The following SPMIP8 variants were observed in gnomAD, a reference collection of about 807,000 sequenced individuals.
SPMIP8 encodes testicular tissue protein Li 196.
chr16:57,985,708 T>A, the SPMIP8 span, among the ~76,000 whole-genome samples: 3 of 152,280 alleles, frequency 2.0e-5, no homozygotes, highest in East Asian at 3.9e-4. Flanking sequence ...TGAATACATG[T>A]GTAATTCCTA....
the SPMIP8 span, among the ~76,000 whole-genome samples, chr16:57,982,603 A>G: frequency 6.6e-6 from 1 of 152,266 alleles, no homozygotes; most frequent in Admixed American, 6.5e-5. Context: ...CGTGTTTGCC[A>G]TAATGCTGCA....
the SPMIP8 span, chr16:57,987,469 A>T: frequency 6.4e-7 from 1 of 1,568,490 alleles, no homozygotes; most frequent in Non-Finnish European, 8.6e-7. Context: ...GGACGGTGCC[A>T]CCTCAGGTCC....
chr16:57,985,096 T>A, the SPMIP8 span: 3 of 1,052,950 alleles, frequency 2.8e-6, no homozygotes, highest in Non-Finnish European at 3.6e-6. Context: ...CACGTGTGGG[T>A]GGGGCTGGAT....
chr16:57,982,453 T>C, the SPMIP8 span, among the ~76,000 whole-genome samples: 2 of 152,226 alleles, frequency 1.3e-5, no homozygotes, highest in African/African-American at 2.4e-5. Flanking sequence ...GACAGTCCCA[T>C]ATGGTGAATT....
chr16:57,979,200 G>A, the SPMIP8 span, among the ~76,000 whole-genome samples: 2 of 152,200 alleles, frequency 1.3e-5, no homozygotes, highest in Non-Finnish European at 2.9e-5. Context: ...GCGGGGCAGG[G>A]TAGGAGGCCA....
the SPMIP8 span, among the ~76,000 whole-genome samples, chr16:57,980,626 T>C: frequency 6.6e-6 from 1 of 152,232 alleles, no homozygotes; most frequent in Admixed American, 6.5e-5. Flanking sequence ...AGTCCAGGGC[T>C]AGAGAAAAAG....
chr16:57,981,368 A>C, the SPMIP8 span, among the ~76,000 whole-genome samples: 6 of 145,260 alleles, frequency 4.1e-5, no homozygotes, highest in African/African-American at 1.3e-4. Context: ...CAACAGAGTG[A>C]CACTCCGTCT....
At chr16:57,977,991 G>T in the SPMIP8 span, 2 of 1,614,076 alleles carry the variant, frequency 1.2e-6, no homozygotes, top group Non-Finnish European at 1.7e-6. Flanking sequence ...CACCGTCAAG[G>T]CCTGCCTTCC....
chr16:57,980,206 G>A, the SPMIP8 span, among the ~76,000 whole-genome samples: 1 of 152,238 alleles, frequency 6.6e-6, no homozygotes, highest in Non-Finnish European at 1.5e-5. Flanking sequence ...AGGAGGAGGG[G>A]TTGGGTAAGA....
chr16:57,976,872 A>G, the SPMIP8 span, among the ~76,000 whole-genome samples: 2 of 152,318 alleles, frequency 1.3e-5, no homozygotes, highest in East Asian at 1.9e-4. Context: ...AATTCTCACT[A>G]AAGTGTAAAT....
the SPMIP8 span, chr16:57,987,460 G>T: frequency 1.3e-6 from 2 of 1,576,416 alleles, no homozygotes; most frequent in Non-Finnish European, 1.7e-6. Flanking sequence ...CAGGCTGCCG[G>T]ACGGTGCCAC....
chr16:57,977,449 G>C, the SPMIP8 span, among the ~76,000 whole-genome samples: 6 of 137,290 alleles, frequency 4.4e-5, no homozygotes, highest in Non-Finnish European at 9.7e-5. Flanking sequence ...AAAAAAAAAC[G>C]AATAGACTCA....
the SPMIP8 span, chr16:57,985,165 G>T: frequency 2.8e-4 from 408 of 1,434,608 alleles, 3 homozygotes; most frequent in East Asian, 2.9e-3. Flanking sequence ...TTGTCCTGGG[G>T]GGGGGCGGAT....
At chr16:57,985,776 G>C in the SPMIP8 span, 5 of 1,280,586 alleles carry the variant, frequency 3.9e-6, no homozygotes, top group South Asian at 1.6e-5. Flanking sequence ...GGAGGCGTTC[G>C]CATTGGGTGA....
the SPMIP8 span, chr16:57,984,952 C>A: frequency 8.0e-7 from 1 of 1,249,922 alleles, no homozygotes; most frequent in Non-Finnish European, 1.1e-6. Context: ...GTGGCACTTG[C>A]GGTGGGTGGA....
the SPMIP8 span, among the ~76,000 whole-genome samples, chr16:57,980,705 TG>T: frequency 6.6e-6 from 1 of 152,246 alleles, no homozygotes; most frequent in African/African-American, 2.4e-5. Flanking sequence ...TGTTTTGTTT[TG>T]TTTTTTTAGA....
At chr16:57,983,527 T>A in the SPMIP8 span, among the ~76,000 whole-genome samples, 3 of 152,188 alleles carry the variant, frequency 2.0e-5, no homozygotes, top group Admixed American at 6.5e-5. Flanking sequence ...CATGTTCACT[T>A]TTTACATTGG....
chr16:57,976,755 C>A, the SPMIP8 span: 1 of 1,160,470 alleles, frequency 8.6e-7, no homozygotes, highest in South Asian at 1.4e-5. Context: ...CATGCCCCCT[C>A]CCTGCTCCTC....
At chr16:57,981,392 A>AATTATTATTATTATTATT in the SPMIP8 span, among the ~76,000 whole-genome samples, 32 of 83,584 alleles carry the variant, frequency 3.8e-4, no homozygotes, top group East Asian at 6.2e-4. Flanking sequence ...TAATAATAAT[A>AATTATTATTATTATTATT]ATTATTATTA....
Sources: gnomAD v4.1 joint callset for allele counts (sites outside exome capture counted in the v4.1 genomes callset) on GRCh38, gnomAD v4.1.1 for gene constraint, MANE v1.5 for transcripts, NCBI Gene and HGNC (gene_info 2026-07-23, HGNC 2026-07-21) for gene names.